Variants in DHX34 observed in about 807,000 individuals in gnomAD.
The protein encoded by DHX34 is DExH-box helicase 34, also known as probable ATP-dependent RNA helicase DHX34.
A neutral mutation model predicts 111.1 loss-of-function variants in DHX34; 96 were observed. The ratio of observed to expected loss-of-function variants is 0.86; its 90% CI spans 0.73 to 1.02. The LOEUF (loss-of-function observed/expected upper bound fraction) is 1.02. DHX34 is among the 50% of genes least tolerant of loss of function. DHX34 has a pLI of 0.00. For synonymous variants in DHX34, 688 were observed against 670.4 expected (o/e 1.03, Z -0.41); for missense variants, 1,560 against 1,579.9 (o/e 0.99, Z 0.21).
At chr19:47,362,074 C>T (rs1969646984) in intron 5 of DHX34, among the ~76,000 whole-genome samples, 1 of 151,580 alleles carries the variant, frequency 6.6e-6, no homozygotes, top group African/African-American at 2.4e-5. Flanking sequence ...TGCTTGAGCC[C>T]AGGAGTTTGA....
At chr19:47,379,119 A>C (rs879945587) in intron 13 of DHX34, among the ~76,000 whole-genome samples, 10 of 151,862 alleles carry the variant, frequency 6.6e-5, no homozygotes, top group African/African-American at 1.2e-4. Context: ...ACAGAGTGAG[A>C]CTCATCTCAA....
At position 47,372,936 on chromosome 19, in the gene DHX34, G is replaced by A; in HGVS notation, c.1962+13G>A. On this transcript the variant is annotated intron_variant, in intron 8 of 16. Transcript: ENST00000328771. ...CGCCTGGGTGCAGGTGAGGCTGGTG[G>A]TGGGGGCCCTCTGTCTGTCACCCTG... is the stretch of plus-strand genomic sequence containing the variant. 1 of 1,578,258 alleles carries A rather than the reference G, an allele frequency of 6.3e-7. No individual in the cohort carries two copies. Among genetic ancestry groups the A allele is most frequent in the Non-Finnish European group, 8.6e-7 (1 of 1,167,816 alleles).
At chr19:47,376,408 T>C in intron 11 of DHX34, 35 bp from the exon 12 acceptor site, 1 of 1,595,592 alleles carries the variant, frequency 6.3e-7, no homozygotes, top group South Asian at 1.1e-5. Flanking sequence ...AGAGAGCAGA[T>C]AGGAGGGCTT....
At chr19:47,370,321 C>T (rs556172072) in intron 7 of DHX34, among the ~76,000 whole-genome samples, 11 of 152,198 alleles carry the variant, frequency 7.2e-5, no homozygotes, top group Non-Finnish European at 1.3e-4. Context: ...TTCCACAGCT[C>T]AGACCCCTCC....
intron 10 of DHX34, 37 bp from the exon 11 acceptor site, chr19:47,375,887 G>T (rs1329873385): frequency 2.6e-6 from 4 of 1,558,230 alleles, no homozygotes; most frequent in Middle Eastern, 2.4e-4. Context: ...GAGCCCCTCA[G>T]GTCCCCTAAG....
At chr19:47,354,922 G>T in intron 2 of DHX34, 117 bp from the exon 3 acceptor site, 1 of 1,511,784 alleles carries the variant, frequency 6.6e-7, no homozygotes, top group Non-Finnish European at 8.8e-7. Context: ...CCAAAGTGCT[G>T]GGATTACAGG....
chr19:47,373,546 C>T lies in DHX34; in HGVS notation c.1963-53C>T, dbSNP rs536829942. 1.3e-3 allele frequency: 2,059 copies of T among 1,582,736 alleles called. 4 individuals carry two copies. The highest frequency in any genetic ancestry group is 3.9e-3 in the Middle Eastern group (20 of 5,110). Reference sequence around the variant, plus strand: ...GGCTCTGGGTGCTCGGTCAGCCCCTCCCTCCCCGCACTGGCCAGGCCCTGA... The same window carrying T: ...GGCTCTGGGTGCTCGGTCAGCCCCTTCCTCCCCGCACTGGCCAGGCCCTGA... On this transcript the variant is annotated intron_variant, in intron 8 of 16. Coordinates refer to ENST00000328771, the MANE Select transcript of DHX34 (RefSeq NM_014681.6).
At position 47,373,640 on chromosome 19, in the gene DHX34, C is replaced by T; in HGVS notation, c.2004C>T (p.Arg668=). 6.2e-7 allele frequency: 1 copy of T among 1,614,028 alleles called. No individual in the cohort carries two copies. Among genetic ancestry groups the T allele is most frequent in the South Asian group, 1.1e-5 (1 of 91,084 alleles). Residue 668 remains arginine, a synonymous_variant, in exon 9 of 17, where the codon CGC becomes CGT. Transcript: ENST00000328771. ...GCAGAAACTCTCGCAAGTGGTGCCG[C>T]CGCCGGGGCATAGAGGAGCATCGAC... The part of the protein sequence containing the change: ...ERSRNSRKWC[R]RRGIEEHRLY...
chr19:47,353,416 G>T lies in DHX34; in HGVS notation c.386G>T (p.Arg129Ile), dbSNP rs924729775. 1.2e-6 allele frequency: 2 copies of T among 1,614,068 alleles called. No individual in the cohort carries two copies. The highest frequency in any genetic ancestry group is 2.7e-5 in the African/African-American group (2 of 74,946). The change falls in exon 2 of 17, where the codon AGA becomes ATA. Residue 129 changes from arginine (R) to isoleucine (I), a missense_variant. By Grantham distance (97) the Arg-to-Ile change is moderately conservative. Transcript: ENST00000328771. The surrounding 1 kb of genome is among the most constrained non-coding windows in gnomAD (Gnocchi z 4.6). ...CTGGGCAGGCACTTGCCCGCGGAGA[G>T]AGTGGCTGAGTTCCGCCGAGCCCTG... ...QGLGRHLPAE[R>I]VAEFRRALLH...
chr19:47,372,052 T>C (rs916004394), intron 7 of DHX34, among the ~76,000 whole-genome samples: 1 of 150,648 alleles, frequency 6.6e-6, no homozygotes, highest in African/African-American at 2.4e-5. Flanking sequence ...TTCACCTGTC[T>C]CCAGGTGAGA....
Position 47,352,907 on chromosome 19 carries a change from C to T in DHX34, c.-124C>T. The T allele has an allele frequency of 6.9e-7, 1 of 1,448,180 alleles. No homozygotes were observed. The highest frequency in any genetic ancestry group is 2.8e-5 in the Admixed American group (1 of 35,522). The allele number at this position is 1,448,180 out of a possible 1,614,324, so 89.7% of individuals were successfully genotyped here. On this transcript the variant is annotated 5_prime_UTR_variant, in exon 2 of 17. Coordinates refer to ENST00000328771, the MANE Select transcript of DHX34 (RefSeq NM_014681.6). The stretch of plus-strand genomic sequence containing the variant: ...TGCCGTGACCAGGAGGAAAAATTAG[C>T]TCTTTGAAGAGAAAGTAGTTCTCTA...
intron 4 of DHX34, among the ~76,000 whole-genome samples, chr19:47,358,966 C>CGCA (rs1969544035): frequency 6.6e-6 from 1 of 151,856 alleles, no homozygotes; most frequent in Admixed American, 6.6e-5. Flanking sequence ...CACTGTGTTG[C>CGCA]GCAGGCTGGT....
intron 12 of DHX34, 52 bp downstream of exon 12, chr19:47,376,612 G>A (rs1474418234): frequency 1.3e-6 from 2 of 1,537,540 alleles, no homozygotes; most frequent in African/African-American, 1.4e-5. Context: ...GAGGGGCAGG[G>A]ATACCGTGAA....
Position 47,353,285 on chromosome 19 carries a change from G to GC in DHX34, c.258dup (p.Lys87GlnfsTer46). 1 of 1,614,178 alleles carries GC rather than the reference G, an allele frequency of 6.2e-7. No homozygotes were observed. The highest frequency in any genetic ancestry group is 8.5e-7 in the Non-Finnish European group (1 of 1,180,032). On this transcript the variant is annotated frameshift_variant, in exon 2 of 17. Coordinates refer to ENST00000328771, the MANE Select transcript of DHX34 (RefSeq NM_014681.6). LOFTEE classifies it high-confidence loss of function. This position sits in a 1 kb window ranked among gnomAD's most constrained non-coding sequence, Gnocchi z 4.6. ...GGAAGGAGGAGAAAGACCCTGGACAGCCCAAGCACAGCATCCCAGCGCTGG... is the reference window on the plus strand; with the variant it reads ...GGAAGGAGGAGAAAGACCCTGGACAGCCCCAAGCACAGCATCCCAGCGCTGG...
chr19:47,377,353 G>A, intron 13 of DHX34, 147 bp downstream of exon 13: 1 of 817,894 alleles, frequency 1.2e-6, no homozygotes. Flanking sequence ...TGCTGTGGCT[G>A]CTTTTTCTCT....
intron 12 of DHX34, 157 bp downstream of exon 12, chr19:47,376,717 G>A: frequency 7.0e-7 from 1 of 1,425,292 alleles, no homozygotes; most frequent in Non-Finnish European, 9.3e-7. Context: ...GGCCTCCCTG[G>A]GTAGCCTTGG....
At chr19:47,380,119 T>G in intron 14 of DHX34, 134 bp downstream of exon 14, 1 of 1,398,404 alleles carries the variant, frequency 7.2e-7, no homozygotes, top group Non-Finnish European at 9.5e-7. Flanking sequence ...CCACAGAGGT[T>G]CAGTCACTTA....
At chr19:47,376,647 T>A in intron 12 of DHX34, 87 bp downstream of exon 12, 1 of 1,502,066 alleles carries the variant, frequency 6.7e-7, no homozygotes, top group Non-Finnish European at 8.9e-7. Flanking sequence ...TGGCTGGGGC[T>A]CCCACACCGG....
chr19:47,359,915 A>G (rs1467929767), intron 4 of DHX34, 53 bp from the exon 5 acceptor site: 7 of 1,612,694 alleles, frequency 4.3e-6, no homozygotes, highest in Non-Finnish European at 5.9e-6. Context: ...TTGGACACAT[A>G]GGTTAGTCGG....
Sources: gnomAD v4.1 joint callset for allele counts (sites outside exome capture counted in the v4.1 genomes callset) on GRCh38, gnomAD v4.1.1 for gene constraint, Gnocchi (gnomAD v3.1) non-coding constraint, MANE v1.5 for transcripts, NCBI Gene and HGNC (gene_info 2026-07-23, HGNC 2026-07-21) for gene names.